STPG2: variants seen among roughly 807,000 people sequenced by gnomAD.
STPG2 encodes sperm-tail PG-rich repeat-containing protein 2.
STPG2 carries 56 observed loss-of-function variants against 54.2 expected under a neutral mutation model. The ratio of observed to expected loss-of-function variants is 1.03; its 90% confidence interval spans 0.83 to 1.29. The LOEUF (loss-of-function observed/expected upper bound fraction) is 1.29. Ranked by LOEUF, STPG2 falls within the 50% of genes most tolerant of loss-of-function variation. STPG2 has a pLI of 0.00. For synonymous variants in STPG2, 200 were observed against 181.8 expected (o/e 1.10, Z -0.81); for missense variants, 596 against 544.9 (o/e 1.09, Z -0.93).
At chr4:97,758,147 T>A (rs1725785388) in intron 9 of STPG2, among the ~76,000 whole-genome samples, 1 of 152,232 alleles carries the variant, frequency 6.6e-6, no homozygotes, top group Admixed American at 6.5e-5. Context: ...GAAAAATAAT[T>A]TTTGTTTATT....
At chr4:97,789,579 A>C (rs1328561343) in intron 9 of STPG2, among the ~76,000 whole-genome samples, 2 of 152,162 alleles carry the variant, frequency 1.3e-5, no homozygotes, top group East Asian at 3.8e-4. Flanking sequence ...AGTGCCATAC[A>C]CTTACTATAT....
chr4:97,716,885 A>T (rs1437986952), intron 9 of STPG2, among the ~76,000 whole-genome samples: 1 of 152,022 alleles, frequency 6.6e-6, no homozygotes, highest in Non-Finnish European at 1.5e-5. Context: ...TACAATTTTT[A>T]AAAAGGGGTT....
At chr4:97,895,890 T>C (rs968823459) in intron 8 of STPG2, among the ~76,000 whole-genome samples, 1 of 151,802 alleles carries the variant, frequency 6.6e-6, no homozygotes, top group Non-Finnish European at 1.5e-5. Flanking sequence ...ATTATTTAAG[T>C]GGTCTTGGGT....
intron 4 of STPG2, among the ~76,000 whole-genome samples, chr4:97,508,271 T>C (rs182698138): frequency 1.9e-4 from 29 of 152,174 alleles, no homozygotes; most frequent in Non-Finnish European, 1.2e-4. Context: ...AATTGGTCTA[T>C]TTAAAAAAAG....
intron 10 of STPG2, among the ~76,000 whole-genome samples, chr4:97,689,242 TC>T (rs2148986750): frequency 1.3e-5 from 2 of 152,266 alleles, no homozygotes; most frequent in Non-Finnish European, 2.9e-5. Flanking sequence ...TTCCTTCTCA[TC>T]AAGAAACTAA....
chr4:97,953,007 G>T (rs1482424835), intron 7 of STPG2, among the ~76,000 whole-genome samples: 3 of 152,264 alleles, frequency 2.0e-5, no homozygotes, highest in South Asian at 2.1e-4. Flanking sequence ...TTACCCAGGG[G>T]AGATACTGTG....
intron 10 of STPG2, among the ~76,000 whole-genome samples, chr4:97,600,987 A>G (rs1277896546): frequency 6.6e-6 from 1 of 152,110 alleles, no homozygotes; most frequent in Non-Finnish European, 1.5e-5. Flanking sequence ...TGACTATCAC[A>G]TATCAGAAGA....
chr4:97,931,072 G>A (rs546723350), intron 8 of STPG2, among the ~76,000 whole-genome samples: 6 of 152,236 alleles, frequency 3.9e-5, no homozygotes, highest in African/African-American at 1.4e-4. Flanking sequence ...ATTAGCTGAA[G>A]GGGCTTTTGG....
At chr4:97,556,885 C>T (rs1732089866), downstream of STPG2, among the ~76,000 whole-genome samples, 1 of 152,040 alleles carries the variant, frequency 6.6e-6, no homozygotes, top group Admixed American at 6.6e-5. Flanking sequence ...CATTAATTTT[C>T]CTTAAAAAAT....
chr4:97,687,435 G>A (rs1560719321), intron 10 of STPG2, among the ~76,000 whole-genome samples: 1 of 151,888 alleles, frequency 6.6e-6, no homozygotes, highest in Non-Finnish European at 1.5e-5. Flanking sequence ...TGCTTCCTGG[G>A]TTCAAGTGAG....
intron 4 of STPG2, among the ~76,000 whole-genome samples, chr4:97,509,121 A>T (rs1035249041): frequency 1.3e-5 from 2 of 151,864 alleles, no homozygotes; most frequent in East Asian, 3.9e-4. Context: ...GCCCCTACAT[A>T]TTTCTATGGG....
intron 10 of STPG2, among the ~76,000 whole-genome samples, chr4:97,608,277 G>A (rs58593570): frequency 0.13 from 20,009 of 151,848 alleles, 4,066 homozygotes; most frequent in African/African-American, 0.44. Context: ...AAATTCATGG[G>A]CTAGTACTTG....
rs187937089 is a variant in STPG2, at chr4:97,690,725, A to G, written c.1320+21974T>C. The stretch of plus-strand genomic sequence containing the variant: ...TGTGGCTGTTAATTTACATGATTCC[A>G]TTAATATTTCTTTCTTTCAACTTCC... On this transcript the variant is annotated intron_variant, in intron 10 of 10. Transcript: ENST00000295268. Among the ~76,000 whole-genome samples the G allele has an allele frequency of 9.8e-5, 15 of 152,318 alleles. No individual in the cohort carries two copies. In the East Asian group the frequency reaches 2.7e-3, roughly 27 times the overall value.
intron 4 of STPG2, among the ~76,000 whole-genome samples, chr4:97,482,965 A>G (rs1730261904): frequency 6.6e-6 from 1 of 151,752 alleles, no homozygotes; most frequent in African/African-American, 2.4e-5. Flanking sequence ...ACTAAGTATC[A>G]TATATGAAGA....
intron 9 of STPG2, among the ~76,000 whole-genome samples, chr4:97,795,770 G>A (rs578066158): frequency 2.6e-5 from 4 of 152,244 alleles, no homozygotes; most frequent in South Asian, 4.1e-4. Flanking sequence ...CTGAGGAATC[G>A]CCACACTGTC....
At chr4:97,850,905 A>G (rs1729139336) in intron 8 of STPG2, among the ~76,000 whole-genome samples, 1 of 152,208 alleles carries the variant, frequency 6.6e-6, no homozygotes, top group Admixed American at 6.5e-5. Context: ...CTCAGTCATA[A>G]TAGCTCTCTG....
At position 98,143,017 on chromosome 4, in the gene STPG2, A is replaced by T. The variant is rs747398320; in HGVS notation, c.109+25T>A. The T allele has an allele frequency of 5.0e-6, 8 of 1,589,984 alleles. No individual in the cohort carries two copies. In the East Asian group the frequency reaches 1.6e-4, roughly 31 times the overall value. On this transcript the variant is annotated intron_variant, in intron 1 of 10. Coordinates refer to ENST00000295268, the MANE Select transcript of STPG2 (RefSeq NM_174952.3). ...CTGAAGATAGGATGCCTGTCACAGG[A>T]GCTCTGCCTCTTCCTACATCTTACC...
At chr4:97,641,203 C>G (rs1427042933) in intron 10 of STPG2, among the ~76,000 whole-genome samples, 1 of 151,516 alleles carries the variant, frequency 6.6e-6, no homozygotes, top group Non-Finnish European at 1.5e-5. Flanking sequence ...TTTTAGCACA[C>G]ATTATTATCA....
intron 5 of STPG2, among the ~76,000 whole-genome samples, chr4:98,050,237 T>C (rs1737275023): frequency 6.6e-6 from 1 of 152,164 alleles, no homozygotes; most frequent in Non-Finnish European, 1.5e-5. Flanking sequence ...ATTGTGATTA[T>C]GTTTGAGGTA....
Sources: allele counts gnomAD v4.1 joint callset (sites outside exome capture counted in the v4.1 genomes callset), GRCh38; gene constraint gnomAD v4.1.1; transcripts MANE v1.5; gene names NCBI Gene and HGNC (gene_info 2026-07-23, HGNC 2026-07-21).